The following IL33 variants were observed in gnomAD, a reference collection of about 807,000 sequenced individuals.
The protein encoded by IL33 is interleukin 33, also known as interleukin-33.
A neutral mutation model predicts 27.3 loss-of-function variants in IL33; 37 were observed. The ratio of observed to expected loss-of-function variants is 1.36; its 90% CI spans 1.04 to 1.78. The LOEUF (loss-of-function observed/expected upper bound fraction) is 1.78, where lower values mean the gene tolerates loss of function less well. IL33 is among the 40% of genes most tolerant of loss of function. The probability of loss-of-function intolerance (pLI) is 0.00; values close to 1 mark genes in which losing one functional copy is unlikely to be tolerated. For synonymous variants in IL33, 132 were observed against 102.9 expected (o/e 1.28, Z -1.71); for missense variants, 406 against 311.4 (o/e 1.30, Z -2.29).
intron 1 of IL33, among the ~76,000 whole-genome samples, chr9:6,233,694 T>C (rs1819039599): frequency 6.6e-6 from 1 of 152,120 alleles, no homozygotes; most frequent in Non-Finnish European, 1.5e-5. Flanking sequence ...ATGGGTAATA[T>C]AACAGTTATT....
At chr9:6,217,268 G>C (rs960009480) in intron 1 of IL33, among the ~76,000 whole-genome samples, 5 of 152,082 alleles carry the variant, frequency 3.3e-5, no homozygotes, top group African/African-American at 9.7e-5. Context: ...CAAATCTTGT[G>C]ACCTCCAGAA....
intron 5 of IL33, 46 bp from the exon 6 acceptor site, chr9:6,253,506 A>G (rs369155859): frequency 7.9e-5 from 113 of 1,423,132 alleles, no homozygotes; most frequent in South Asian, 7.7e-4. Flanking sequence ...CTGAAAACTT[A>G]ACAAAATTGT....
At chr9:6,238,946 A>G (rs961949668) in intron 1 of IL33, among the ~76,000 whole-genome samples, 1 of 152,160 alleles carries the variant, frequency 6.6e-6, no homozygotes, top group Admixed American at 6.5e-5. Flanking sequence ...CGATACAGTG[A>G]CCCAGCTTGA....
At chr9:6,248,600 G>A (rs1173826359) in intron 2 of IL33, among the ~76,000 whole-genome samples, 1 of 151,576 alleles carries the variant, frequency 6.6e-6, no homozygotes. Flanking sequence ...TTAGAGACAG[G>A]GTCGCACTCT....
In IL33 at chr9:6,251,258, T is replaced by C; in HGVS notation, c.336T>C (p.Ser112=). Residue 112 remains serine, a synonymous_variant, in exon 4 of 8, where the codon AGT becomes AGC. Transcript: ENST00000682010. ...ATACTAGAGCACTTCATGATTCAAG[T>C]ATCACAGGTATGACTGGTTACAGGG... is the stretch of plus-strand genomic sequence containing the variant. ...QKYTRALHDS[S]ITGISPITEY... is the part of the protein sequence containing the mutation. 13 of 1,613,382 alleles carry C rather than the reference T, an allele frequency of 8.1e-6. No individual in the cohort carries two copies. Among genetic ancestry groups the C allele is most frequent in the Non-Finnish European group, 1.1e-5 (13 of 1,179,480 alleles).
At chr9:6,235,159 G>A (rs898071257) in intron 1 of IL33, among the ~76,000 whole-genome samples, 1 of 152,070 alleles carries the variant, frequency 6.6e-6, no homozygotes, top group Non-Finnish European at 1.5e-5. Flanking sequence ...TCCCACCTCA[G>A]TCTCCCAAGT....
intron 6 of IL33, 120 bp downstream of exon 6, chr9:6,253,722 C>G (rs983835440): frequency 6.1e-6 from 4 of 658,282 alleles, no homozygotes; most frequent in Non-Finnish European, 1.0e-5. Context: ...TTATCTCCAA[C>G]CCAAGCTCAT....
intron 1 of IL33, among the ~76,000 whole-genome samples, chr9:6,238,810 T>A (rs1819373201): frequency 6.6e-6 from 1 of 152,164 alleles, no homozygotes; most frequent in Admixed American, 6.5e-5. Context: ...GGAGAAGAAG[T>A]CCTGCTCCCT....
intron 1 of IL33, among the ~76,000 whole-genome samples, chr9:6,229,776 C>A (rs547578934): frequency 2.6e-5 from 4 of 152,258 alleles, no homozygotes; most frequent in African/African-American, 9.6e-5. Context: ...CCCTTGTTCC[C>A]AAGGACCTAG....
intron 1 of IL33, among the ~76,000 whole-genome samples, chr9:6,225,289 A>G (rs1340012915): frequency 6.6e-6 from 1 of 152,196 alleles, no homozygotes; most frequent in Non-Finnish European, 1.5e-5. Context: ...AATCACCAAA[A>G]AGTTCCATGA....
In IL33 at chr9:6,237,431, G is replaced by A. The variant is rs181097006; in HGVS notation, c.-11-4253G>A. 5.5e-4 allele frequency among the ~76,000 whole-genome samples: 84 copies of A among 152,248 alleles called. 2 individuals are homozygous for A. The East Asian group carries it at 0.016, about 28-fold the overall frequency. ...TCTATAAAGGGTGTTGACTTTCTCT[G>A]TGTCAATGACTCCATTGTAAATGTG... On this transcript the variant is annotated intron_variant, in intron 1 of 7. Coordinates refer to ENST00000682010, the MANE Select transcript of IL33 (RefSeq NM_033439.4).
chr9:6,219,600 C>CGA (rs1818326720), intron 1 of IL33, among the ~76,000 whole-genome samples: 1 of 152,164 alleles, frequency 6.6e-6, no homozygotes, highest in African/African-American at 2.4e-5. Flanking sequence ...AATTTTGGAT[C>CGA]TTACTTAACT....
At chr9:6,255,938 T>G (rs765284110) in intron 7 of IL33, 30 bp from the exon 8 acceptor site, 1 of 1,588,370 alleles carries the variant, frequency 6.3e-7, no homozygotes, top group Non-Finnish European at 8.6e-7. Flanking sequence ...CCCATTCACA[T>G]ATGGATTGCT....
intron 1 of IL33, among the ~76,000 whole-genome samples, chr9:6,221,773 A>G (rs1818420825): frequency 6.6e-6 from 1 of 152,184 alleles, no homozygotes; most frequent in Non-Finnish European, 1.5e-5. Context: ...TGGCAAAGGA[A>G]AGGCTACCAA....
At chr9:6,231,064 A>G (rs186593661) in intron 1 of IL33, among the ~76,000 whole-genome samples, 4 of 152,332 alleles carry the variant, frequency 2.6e-5, no homozygotes, top group African/African-American at 9.6e-5. Flanking sequence ...CATCATTATC[A>G]TCTTCACCAC....
chr9:6,219,138 T>C (rs1255689898), intron 1 of IL33, among the ~76,000 whole-genome samples: 1 of 151,456 alleles, frequency 6.6e-6, no homozygotes, highest in Non-Finnish European at 1.5e-5. Context: ...TTAGAAACAT[T>C]AAGACCAAAT....
chr9:6,253,573 A>G lies in IL33; in HGVS notation c.491A>G (p.Tyr164Cys). Residue 164 changes from tyrosine (Y) to cysteine (C), a missense_variant, in exon 6 of 8, where the codon TAT (tyrosine) becomes TGT (cysteine). By Grantham distance (194) the Tyr-to-Cys change is radical. Coordinates refer to ENST00000682010, the MANE Select transcript of IL33 (RefSeq NM_033439.4). ...TCAGATAAGGTGTTACTGAGTTACTATGAGTCTCAACACCCCTCAAATGAA... is the reference window on the plus strand; with the variant it reads ...TCAGATAAGGTGTTACTGAGTTACTGTGAGTCTCAACACCCCTCAAATGAA... ...EKKDKVLLSYYESQHPSNESG... is the reference protein window; with the variant it reads ...EKKDKVLLSYCESQHPSNESG... 3 of 1,608,592 alleles carry G rather than the reference A, an allele frequency of 1.9e-6. No homozygotes were observed. Among genetic ancestry groups the G allele is most frequent in the Non-Finnish European group, 1.7e-6 (2 of 1,176,274 alleles).
intron 1 of IL33, among the ~76,000 whole-genome samples, chr9:6,218,694 T>C (rs1274156677): frequency 1.4e-5 from 1 of 73,856 alleles, no homozygotes; most frequent in Non-Finnish European, 2.7e-5. Flanking sequence ...ATGTTCTCCA[T>C]ATATATATAT....
At chr9:6,251,705 C>T (rs1210260782) in intron 4 of IL33, among the ~76,000 whole-genome samples, 1 of 151,282 alleles carries the variant, frequency 6.6e-6, no homozygotes, top group African/African-American at 2.4e-5. Flanking sequence ...TATAAGGTTC[C>T]AAGTTGATGA....
Sources: gnomAD v4.1 joint callset for allele counts (sites outside exome capture counted in the v4.1 genomes callset) on GRCh38, gnomAD v4.1.1 for gene constraint, MANE v1.5 for transcripts, NCBI Gene and HGNC (gene_info 2026-07-23, HGNC 2026-07-21) for gene names.